Variants in TASOR2 observed in about 807,000 individuals in gnomAD.
The protein encoded by TASOR2 is protein TASOR 2.
In TASOR2, 84 loss-of-function variants were observed where a neutral mutation model predicts 199.5. The observed-to-expected ratio is 0.42, with a 90% CI of 0.35 to 0.50. The LOEUF is 0.50. Among genes scored for constraint, TASOR2 ranks in the 20% least tolerant of loss-of-function variants. TASOR2 has a pLI of 0.02. For missense variants in TASOR2, 2,796 were observed against 2,835.9 expected (o/e 0.99, Z 0.32); for synonymous variants, 1,103 against 1,046.6 (o/e 1.05, Z -1.04).
At chr10:5,739,654 T>C in exon 13 of TASOR2, 1 of 1,613,532 alleles carries the variant, frequency 6.2e-7, no homozygotes, top group Non-Finnish European at 8.5e-7. Flanking sequence ...CAATCAGAAA[T>C]TTCAAGAGGT....
rs1353313382 is a variant in TASOR2, at chr10:5,687,718, G to T, written c.-288+2543G>T. Among the ~76,000 whole-genome samples, 2 of 152,192 alleles carry T rather than the reference G, an allele frequency of 1.3e-5. No homozygotes were observed. Among genetic ancestry groups the T allele is most frequent in the Non-Finnish European group, 1.5e-5 (1 of 68,038 alleles). ...GCAGGTAGTCCCAGCTACTCGGGAG[G>T]CCGAGACAAGAGAATCACTTGAACC... On this transcript the variant is annotated intron_variant, in intron 1 of 20. Coordinates refer to ENST00000328090, the Ensembl canonical transcript of TASOR2. The surrounding 1 kb of genome is among the most constrained non-coding windows in gnomAD (Gnocchi z 4.8).
At chr10:5,758,545 A>G (rs1446816644) in intron 17 of TASOR2, among the ~76,000 whole-genome samples, 2 of 152,196 alleles carry the variant, frequency 1.3e-5, no homozygotes, top group African/African-American at 2.4e-5. Context: ...TCAAAAAAAA[A>G]GGATTCTGTA....
chr10:5,686,165 A>T (rs1485553451), intron 1 of TASOR2, among the ~76,000 whole-genome samples: 1 of 152,328 alleles, frequency 6.6e-6, no homozygotes, highest in Non-Finnish European at 1.5e-5. Flanking sequence ...GGCCAGAAAA[A>T]GGGTGACAAA....
chr10:5,690,541 G>A lies in TASOR2; in HGVS notation c.-288+5366G>A, dbSNP rs1357763745. On this transcript the variant is annotated intron_variant, in intron 1 of 20. Transcript: ENST00000328090. The surrounding 1 kb of genome is among the most constrained non-coding windows in gnomAD (Gnocchi z 4.8). ...GGACATTTTGCGTGGGCTACGTGTA[G>A]AGGTGGTGGCCATACATAGTTATCT... Among the ~76,000 whole-genome samples the A allele has an allele frequency of 6.6e-6, 1 of 152,206 alleles. No homozygotes were observed. The highest frequency in any genetic ancestry group is 2.4e-5 in the African/African-American group (1 of 41,444).
At chr10:5,761,342 G>A in exon 19 of TASOR2, 1 of 1,613,950 alleles carries the variant, frequency 6.2e-7, no homozygotes, top group Non-Finnish European at 8.5e-7. Flanking sequence ...ATTTCAGAGT[G>A]CAAATATCAT....
At position 5,759,059 on chromosome 10, in the gene TASOR2, C is replaced by T. The variant is rs532788809; in HGVS notation, c.6992+67C>T. On this transcript the variant is annotated intron_variant, in intron 18 of 20. Coordinates refer to ENST00000328090, the Ensembl canonical transcript of TASOR2. The stretch of plus-strand genomic sequence containing the variant: ...GGTAGCAGAGAAACGCCTCATGTTC[C>T]ATGGGCTCTAGCCTAGTGCTGCAGT... 127 of 1,122,576 alleles carry T rather than the reference C, an allele frequency of 1.1e-4. No individual in the cohort carries two copies. In the African/African-American group the frequency reaches 1.8e-3, roughly 16 times the overall value. The allele number at this position is 1,122,576 out of a possible 1,614,324, so 69.5% of individuals were successfully genotyped here.
intron 3 of TASOR2, among the ~76,000 whole-genome samples, chr10:5,718,563 C>G (rs1427651502): frequency 6.6e-6 from 1 of 151,936 alleles, no homozygotes; most frequent in Non-Finnish European, 1.5e-5. Flanking sequence ...GCCTAGCCAA[C>G]ATGGCGAAAC....
At position 5,762,660 on chromosome 10, in the gene TASOR2, T is replaced by C. The variant is rs762444135; in HGVS notation, c.7289+14T>C. The C allele has an allele frequency of 1.7e-6, 2 of 1,182,200 alleles. No individual in the cohort carries two copies. Among genetic ancestry groups the C allele is most frequent in the Non-Finnish European group, 1.2e-6 (1 of 817,134 alleles). 73.2% of individuals were successfully genotyped at this position (1,182,200 alleles called of 1,614,324 possible). On this transcript the variant is annotated intron_variant, in intron 20 of 20. Transcript: ENST00000328090. Reference sequence around the variant, plus strand: ...GAGTAGCTATTGGTAAGAACACTTTTTATGTAACTTTCCCATGTGAGTTGG... The same window carrying C: ...GAGTAGCTATTGGTAAGAACACTTTCTATGTAACTTTCCCATGTGAGTTGG...
Position 5,739,861 on chromosome 10 carries a change from C to T in TASOR2, c.1691C>T (p.Pro564Leu), listed in dbSNP as rs1450307557. Residue 564 changes from proline to leucine, a missense_variant, in exon 13 of 21, where the codon CCA becomes CTA. Pro to Leu is a moderately conservative substitution (Grantham distance 98, BLOSUM62 -3). This residue lies in a region of TASOR2 where 847 missense variants were observed against 887.4 expected (regional missense o/e 0.95). Coordinates refer to ENST00000328090, the Ensembl canonical transcript of TASOR2. ...AATCTTCACTGTTCCTCTGAATTGC[C>T]ACAAAATGATGTTTTGCTCTCTAAA... 1 of 1,614,182 alleles carries T rather than the reference C, an allele frequency of 6.2e-7. No homozygotes were observed. The highest frequency in any genetic ancestry group is 1.7e-5 in the Admixed American group (1 of 60,026).
chr10:5,747,895 A>G (rs1284234169), exon 15 of TASOR2: 10 of 1,613,824 alleles, frequency 6.2e-6, no homozygotes, highest in Non-Finnish European at 7.6e-6. Flanking sequence ...AAGAACAGGT[A>G]GACCAACCCT....
chr10:5,708,253 A>C (rs547315018), intron 1 of TASOR2, among the ~76,000 whole-genome samples: 1 of 152,194 alleles, frequency 6.6e-6, no homozygotes, highest in South Asian at 2.1e-4. Flanking sequence ...TTAATGTATC[A>C]TGTTTAAACC....
chr10:5,695,232 G>A (rs546878169), intron 1 of TASOR2, among the ~76,000 whole-genome samples: 25 of 152,290 alleles, frequency 1.6e-4, no homozygotes, highest in African/African-American at 6.0e-4. Context: ...AAACAAAACA[G>A]ATATGGTTCC....
At chr10:5,709,532 T>C (rs1831646533) in intron 1 of TASOR2, 1 of 1,230,710 alleles carries the variant, frequency 8.1e-7, no homozygotes, top group African/African-American at 1.6e-5. Context: ...CATTTTAGCA[T>C]TTATGACATT....
intron 2 of TASOR2, chr10:5,713,729 A>C (rs1290315384): frequency 6.5e-6 from 1 of 152,910 alleles, no homozygotes; most frequent in East Asian, 1.9e-4. Context: ...TTGGAAAATA[A>C]ATCTTCTAGT....
intron 1 of TASOR2, among the ~76,000 whole-genome samples, chr10:5,694,551 T>C: frequency 6.6e-6 from 1 of 152,216 alleles, no homozygotes; most frequent in South Asian, 2.1e-4. Flanking sequence ...TTGTGGTTTA[T>C]ATTCTTTAAG....
In TASOR2 at chr10:5,710,297, C is replaced by A. The variant is rs1161531367; in HGVS notation, c.-287-2526C>A. On this transcript the variant is annotated intron_variant, in intron 1 of 20. Coordinates refer to ENST00000328090, the Ensembl canonical transcript of TASOR2. This position sits in a 1 kb window ranked among gnomAD's most constrained non-coding sequence, Gnocchi z 4.6. Reference sequence around the variant, plus strand: ...AAGATTAGCTATGATTTTCCAACAACTTTGTTTTTAACATACCTCTGCTAA... The same window carrying A: ...AAGATTAGCTATGATTTTCCAACAAATTTGTTTTTAACATACCTCTGCTAA... 6.6e-6 allele frequency among the ~76,000 whole-genome samples: 1 copy of A among 152,076 alleles called. No homozygotes were observed. The highest frequency in any genetic ancestry group is 1.5e-5 in the Non-Finnish European group (1 of 67,976).
At chr10:5,723,530 A>G (rs1264517875) in intron 6 of TASOR2, 147 bp from the exon 8 acceptor site, 4 of 469,122 alleles carry the variant, frequency 8.5e-6, no homozygotes, top group African/African-American at 4.0e-5. Flanking sequence ...ACTTAAAAAT[A>G]CACATATTAT....
At chr10:5,691,185 G>A (rs1442457297) in intron 1 of TASOR2, among the ~76,000 whole-genome samples, 16 of 131,632 alleles carry the variant, frequency 1.2e-4, no homozygotes, top group East Asian at 4.4e-4. Context: ...GTGAGACTCC[G>A]TCTCAAAAAA....
At chr10:5,761,035 C>T (rs1046685085) in intron 18 of TASOR2, 75 of 343,066 alleles carry the variant, frequency 2.2e-4, no homozygotes, top group Non-Finnish European at 3.4e-4. Context: ...AAAGGCTTGC[C>T]AAGCCACATG....
Sources: gnomAD v4.1 joint callset for allele counts (sites outside exome capture counted in the v4.1 genomes callset) on GRCh38, gnomAD v4.1.1 for gene constraint, gnomAD v4.1.1 regional missense constraint, Gnocchi (gnomAD v3.1) non-coding constraint, MANE v1.5 for transcripts, NCBI Gene and HGNC (gene_info 2026-07-23, HGNC 2026-07-21) for gene names.